MACIR: variants seen among roughly 807,000 people sequenced by gnomAD.
MACIR encodes UNC119-binding protein C5orf30.
Under a neutral mutation model 14.3 loss-of-function variants are expected in MACIR, and 4 were observed. The ratio of observed to expected loss-of-function variants is 0.28; its 90% CI spans 0.14 to 0.64. The LOEUF is 0.64. MACIR is among the 30% of genes least tolerant of loss of function. MACIR has a pLI of 0.83. For missense variants in MACIR, 228 were observed against 257.6 expected (o/e 0.89, Z 0.79); for synonymous variants, 101 against 102.4 (o/e 0.99, Z 0.08).
chr5:103,261,638 T>TTTTCTTTCTTTCTTTCTTTC (rs781826997), intron 1 of MACIR, among the ~76,000 whole-genome samples: 4 of 96,748 alleles, frequency 4.1e-5, no homozygotes, highest in Admixed American at 3.2e-4. Context: ...CTGTTTTTCT[T>TTTTCTTTCTTTCTTTCTTTC]TTTCTTTCTT....
intron 2 of MACIR, among the ~76,000 whole-genome samples, chr5:103,273,857 G>A (rs1408337472): frequency 1.3e-5 from 2 of 152,148 alleles, no homozygotes; most frequent in African/African-American, 2.4e-5. Flanking sequence ...GCTGCGTGGT[G>A]GGACTCCAAG....
At position 103,276,743 on chromosome 5, in the gene MACIR, C is replaced by T. The variant is rs1554237804; in HGVS notation, c.*203C>T. 3.9e-5 allele frequency: 18 copies of T among 459,266 alleles called. No individual in the cohort carries two copies. Among genetic ancestry groups the T allele is most frequent in the East Asian group, 3.0e-4 (9 of 29,974 alleles). The allele number at this position is 459,266 out of a possible 1,614,324, so 28.4% of individuals were successfully genotyped here. On this transcript the variant is annotated 3_prime_UTR_variant, in exon 3 of 3. Transcript: ENST00000319933. Reference sequence around the variant, plus strand: ...GGGGGGGGGATATCATTCTAGAGCACGCAACTGCAAAGAAAACAGAATGTT... The same window carrying T: ...GGGGGGGGGATATCATTCTAGAGCATGCAACTGCAAAGAAAACAGAATGTT...
chr5:103,269,514 A>G (rs985143440), intron 2 of MACIR, among the ~76,000 whole-genome samples: 3 of 152,144 alleles, frequency 2.0e-5, no homozygotes, highest in African/African-American at 7.2e-5. Context: ...TTTTTTTATA[A>G]TCTTATTTTT....
At chr5:103,267,488 T>G (rs963098565) in intron 2 of MACIR, among the ~76,000 whole-genome samples, 3 of 152,152 alleles carry the variant, frequency 2.0e-5, no homozygotes, top group African/African-American at 7.2e-5. Context: ...TATATATGCA[T>G]GTACATACAG....
chr5:103,276,648 G>A lies in MACIR; in HGVS notation c.*108G>A. ...CTTCACACTATAGATGGTTATATCA[G>A]CTAAGTGTTCCTGGAACATAAAAAT... On this transcript the variant is annotated 3_prime_UTR_variant, in exon 3 of 3. Transcript: ENST00000319933. The A allele has an allele frequency of 9.7e-7, 1 of 1,031,160 alleles. No individual in the cohort carries two copies. Among genetic ancestry groups the A allele is most frequent in the African/African-American group, 1.6e-5 (1 of 62,566 alleles). The allele number at this position is 1,031,160 out of a possible 1,614,324, so 63.9% of individuals were successfully genotyped here.
intron 2 of MACIR, among the ~76,000 whole-genome samples, chr5:103,267,621 T>G (rs1804973567): frequency 6.6e-6 from 1 of 152,212 alleles, no homozygotes; most frequent in Admixed American, 6.5e-5. Flanking sequence ...CTATTAAGAT[T>G]CCTTTTGATT....
intron 1 of MACIR, among the ~76,000 whole-genome samples, chr5:103,263,866 T>G (rs529597186): frequency 6.6e-6 from 1 of 152,284 alleles, no homozygotes; most frequent in Non-Finnish European, 1.5e-5. Flanking sequence ...GTTGATACCT[T>G]TTTTTCTGTC....
intron 1 of MACIR, among the ~76,000 whole-genome samples, chr5:103,262,612 C>T (rs1278350037): frequency 6.6e-6 from 1 of 152,226 alleles, no homozygotes; most frequent in African/African-American, 2.4e-5. Flanking sequence ...AGAAGCTCCA[C>T]TTGCAGTGAA....
At position 103,276,027 on chromosome 5, in the gene MACIR, C is replaced by T. The variant is rs782370807; in HGVS notation, c.108C>T (p.Cys36=). The T allele has an allele frequency of 6.2e-7, 1 of 1,614,148 alleles. No homozygotes were observed. The change falls in exon 3 of 3, where the codon TGC becomes TGT. Residue 36 remains cysteine (C), a synonymous_variant. Transcript: ENST00000319933. ...AGGCGGAGGCAGAGAAGCCCCGCTG[C>T]TCCAGCACACCCTGCTCCCCGATGC... ...PGKAEAEKPR[C]SSTPCSPMRR... is the part of the protein sequence containing the mutation.
chr5:103,268,087 G>A (rs1285371782), intron 2 of MACIR, among the ~76,000 whole-genome samples: 2 of 152,174 alleles, frequency 1.3e-5, no homozygotes, highest in African/African-American at 4.8e-5. Flanking sequence ...CCCTGTTGAT[G>A]GATATTTGGA....
At chr5:103,267,605 G>T (rs1804973042) in intron 2 of MACIR, among the ~76,000 whole-genome samples, 1 of 152,034 alleles carries the variant, frequency 6.6e-6, no homozygotes, top group African/African-American at 2.4e-5. Context: ...AACATACACT[G>T]GGAAACTATT....
At chr5:103,263,741 C>T (rs1447172018) in intron 1 of MACIR, among the ~76,000 whole-genome samples, 1 of 152,066 alleles carries the variant, frequency 6.6e-6, no homozygotes, top group Non-Finnish European at 1.5e-5. Context: ...TTTAAATTGA[C>T]ATTTATAAAA....
chr5:103,271,584 A>G (rs1290202690), intron 2 of MACIR, among the ~76,000 whole-genome samples: 3 of 152,160 alleles, frequency 2.0e-5, no homozygotes, highest in Non-Finnish European at 2.9e-5. Context: ...TTTCAGCAAT[A>G]TAGAAGCATC....
chr5:103,267,207 C>T (rs1179561565), intron 2 of MACIR, among the ~76,000 whole-genome samples: 3 of 152,092 alleles, frequency 2.0e-5, no homozygotes, highest in Non-Finnish European at 2.9e-5. Context: ...TCTGATGATA[C>T]GTAAGTCTCT....
At chr5:103,263,615 A>G (rs189993757) in intron 1 of MACIR, among the ~76,000 whole-genome samples, 1 of 152,198 alleles carries the variant, frequency 6.6e-6, no homozygotes, top group Non-Finnish European at 1.5e-5. Flanking sequence ...AAAAAGAAGA[A>G]TATGTCACCA....
chr5:103,266,440 A>G (rs1554236741), intron 2 of MACIR, among the ~76,000 whole-genome samples: 1 of 152,106 alleles, frequency 6.6e-6, no homozygotes, highest in African/African-American at 2.4e-5. Flanking sequence ...AAGGAGCATT[A>G]TTTTCACTTA....
intron 1 of MACIR, among the ~76,000 whole-genome samples, chr5:103,262,694 G>A (rs1804771811): frequency 6.6e-6 from 1 of 152,180 alleles, no homozygotes; most frequent in African/African-American, 2.4e-5. Context: ...CTTGGCCACT[G>A]CTTGGTTTTT....
At chr5:103,273,727 A>G (rs1447572634) in intron 2 of MACIR, among the ~76,000 whole-genome samples, 6 of 152,206 alleles carry the variant, frequency 3.9e-5, no homozygotes, top group African/African-American at 1.4e-4. Flanking sequence ...TTTCCCTCGT[A>G]GACAAAAAAG....
intron 2 of MACIR, among the ~76,000 whole-genome samples, chr5:103,266,650 C>T (rs1554236758): frequency 6.6e-6 from 1 of 152,046 alleles, no homozygotes; most frequent in East Asian, 1.9e-4. Context: ...TATGGTAGCT[C>T]TTTAGCATCC....
Sources: allele counts gnomAD v4.1 joint callset (sites outside exome capture counted in the v4.1 genomes callset), GRCh38; gene constraint gnomAD v4.1.1; transcripts MANE v1.5; gene names NCBI Gene and HGNC (gene_info 2026-07-23, HGNC 2026-07-21).